STUM: variants seen among roughly 807,000 people sequenced by gnomAD.
The protein encoded by STUM is stum, mechanosensory transduction mediator homolog, also known as protein stum homolog.
STUM carries 8 observed loss-of-function variants against 15.3 expected under a neutral mutation model. The observed-to-expected ratio is 0.52, with a 90% confidence interval of 0.31 to 0.94. The LOEUF (loss-of-function observed/expected upper bound fraction) is 0.94, where lower values mean the gene tolerates loss of function less well. STUM is among the 40% of genes least tolerant of loss of function. The pLI, the probability that STUM is intolerant of heterozygous loss-of-function variation, is 0.05. For synonymous variants in STUM, 78 were observed against 88.7 expected (o/e 0.88, Z 0.68); for missense variants, 142 against 204.9 (o/e 0.69, Z 1.87).
intron 1 of STUM, among the ~76,000 whole-genome samples, chr1:226,576,527 G>T (rs1331521878): frequency 6.6e-6 from 1 of 152,200 alleles, no homozygotes; most frequent in African/African-American, 2.4e-5. Flanking sequence ...AATGACTAGT[G>T]AGTTAGTGGA....
intron 1 of STUM, among the ~76,000 whole-genome samples, chr1:226,554,429 T>C (rs1262090932): frequency 6.6e-6 from 1 of 152,210 alleles, no homozygotes; most frequent in Non-Finnish European, 1.5e-5. Flanking sequence ...CTGTAGTTAA[T>C]AGACCAAGAA....
At chr1:226,584,013 A>G (rs917937386) in intron 1 of STUM, among the ~76,000 whole-genome samples, 1 of 152,174 alleles carries the variant, frequency 6.6e-6, no homozygotes, top group Non-Finnish European at 1.5e-5. Context: ...GGTGCGAAAA[A>G]AAAAACCATT....
intron 1 of STUM, among the ~76,000 whole-genome samples, chr1:226,576,265 G>A (rs1481775473): frequency 2.6e-5 from 4 of 152,254 alleles, no homozygotes; most frequent in African/African-American, 9.6e-5. Context: ...TGCTGGGCAA[G>A]GGGCTAGGGG....
At chr1:226,581,324 G>A (rs4653757) in intron 1 of STUM, among the ~76,000 whole-genome samples, 16,172 of 152,198 alleles carry the variant, frequency 0.11, 900 homozygotes, top group East Asian at 0.19. Context: ...TTGAATGGAC[G>A]GACAGACAGT....
chr1:226,594,490 G>T (rs1201222257), intron 1 of STUM, among the ~76,000 whole-genome samples: 2 of 152,150 alleles, frequency 1.3e-5, no homozygotes, highest in East Asian at 3.9e-4. Flanking sequence ...CTTTTAACAG[G>T]CCATCTACAC....
rs890253674 is a variant in STUM at position 226,552,911 on chromosome 1, T to C, written c.202+3805T>C. Among the ~76,000 whole-genome samples, 1 of 152,208 alleles carries C rather than the reference T, an allele frequency of 6.6e-6. No homozygotes were observed. Among genetic ancestry groups the C allele is most frequent in the Non-Finnish European group, 1.5e-5 (1 of 68,036 alleles). On this transcript the variant is annotated intron_variant, in intron 1 of 3. Transcript: ENST00000366788. The surrounding 1 kb of genome is among the most constrained non-coding windows in gnomAD (Gnocchi z 4.7). ...AGCAGCAACTATTTTAAATGTCTTC[T>C]TGAAAGAGCATGTTATCCACAAATA...
In STUM at chr1:226,603,030, A is replaced by G. The variant is rs1668297269; in HGVS notation, c.*990A>G. 1 of 152,216 alleles carries G rather than the reference A, an allele frequency of 6.6e-6. No homozygotes were observed. The highest frequency in any genetic ancestry group is 2.4e-5 in the African/African-American group (1 of 41,450). 9.4% of individuals were successfully genotyped at this position (152,216 alleles called of 1,614,324 possible). A position where few individuals can be genotyped will look rare whatever the true frequency, so the allele number is the denominator to read the frequency against. ...GAGAAACATGTGACTAGTCCCATTA[A>G]CTGGGAGCTATACAAACTGTAAATA... is the stretch of plus-strand genomic sequence containing the variant. On this transcript the variant is annotated 3_prime_UTR_variant, in exon 4 of 4. Transcript: ENST00000366788.
At chr1:226,584,410 T>C (rs1335246604) in intron 1 of STUM, among the ~76,000 whole-genome samples, 1 of 152,220 alleles carries the variant, frequency 6.6e-6, no homozygotes, top group Non-Finnish European at 1.5e-5. Context: ...TTATATGCTG[T>C]TGGTTATTAG....
intron 1 of STUM, among the ~76,000 whole-genome samples, chr1:226,579,461 C>T (rs981892904): frequency 1.6e-4 from 24 of 152,104 alleles, no homozygotes; most frequent in Non-Finnish European, 3.1e-4. Context: ...AGGAGATAGA[C>T]GTTACATCAG....
At chr1:226,583,899 C>T (rs1391892633) in intron 1 of STUM, among the ~76,000 whole-genome samples, 6 of 152,166 alleles carry the variant, frequency 3.9e-5, no homozygotes, top group Admixed American at 6.5e-5. Context: ...CAAACATCCT[C>T]GCCCACTTCT....
chr1:226,572,459 C>T (rs1222100514), intron 1 of STUM, among the ~76,000 whole-genome samples: 1 of 152,186 alleles, frequency 6.6e-6, no homozygotes, highest in Non-Finnish European at 1.5e-5. Flanking sequence ...AGGCTAACAG[C>T]CCTGTGCGGC....
chr1:226,568,956 G>GTGGCAGACACA (rs1558280352), intron 1 of STUM, among the ~76,000 whole-genome samples: 1 of 150,662 alleles, frequency 6.6e-6, no homozygotes, highest in African/African-American at 2.5e-5. Context: ...AGGGTCCCTA[G>GTGGCAGACACA]CAAGGGGACC....
chr1:226,574,829 C>A (rs536038175), intron 1 of STUM, among the ~76,000 whole-genome samples: 1 of 152,152 alleles, frequency 6.6e-6, no homozygotes, highest in African/African-American at 2.4e-5. Flanking sequence ...AGTGATAGGA[C>A]TCCTGAAGCC....
At chr1:226,582,863 G>A (rs1667940908) in intron 1 of STUM, among the ~76,000 whole-genome samples, 1 of 152,208 alleles carries the variant, frequency 6.6e-6, no homozygotes, top group Non-Finnish European at 1.5e-5. Context: ...AACAGGCACG[G>A]GCTGTCTCAG....
chr1:226,577,950 C>A (rs146834755), intron 1 of STUM, among the ~76,000 whole-genome samples: 2 of 152,230 alleles, frequency 1.3e-5, no homozygotes, highest in East Asian at 1.9e-4. Flanking sequence ...CCTGGCCTAC[C>A]CTTTTCTTTG....
intron 1 of STUM, among the ~76,000 whole-genome samples, chr1:226,580,517 G>A (rs576417468): frequency 1.3e-5 from 2 of 151,902 alleles, no homozygotes; most frequent in African/African-American, 2.4e-5. Context: ...GGGCAGAGGG[G>A]GACAAGTCAT....
chr1:226,585,715 T>C (rs1037091512), intron 1 of STUM, among the ~76,000 whole-genome samples: 2 of 152,212 alleles, frequency 1.3e-5, no homozygotes, highest in Non-Finnish European at 2.9e-5. Flanking sequence ...GTGGGATTCT[T>C]GAGGGCCAGG....
chr1:226,596,002 A>C (rs567827981), intron 1 of STUM, among the ~76,000 whole-genome samples: 3 of 152,274 alleles, frequency 2.0e-5, no homozygotes, highest in Admixed American at 6.5e-5. Flanking sequence ...AATTCTCTGC[A>C]CGGTTGTTGT....
chr1:226,591,969 A>G (rs1462589236), intron 1 of STUM, among the ~76,000 whole-genome samples: 1 of 152,022 alleles, frequency 6.6e-6, no homozygotes, highest in Non-Finnish European at 1.5e-5. Flanking sequence ...CATAAATGAC[A>G]CAGGGATGGG....
Sources: gnomAD v4.1 joint callset for allele counts (sites outside exome capture counted in the v4.1 genomes callset) on GRCh38, gnomAD v4.1.1 for gene constraint, Gnocchi (gnomAD v3.1) non-coding constraint, MANE v1.5 for transcripts, NCBI Gene and HGNC (gene_info 2026-07-23, HGNC 2026-07-21) for gene names.